CEACAM3: variants seen among roughly 807,000 people sequenced by gnomAD.
CEACAM3 encodes CEA cell adhesion molecule 3.
A neutral mutation model predicts 30.1 loss-of-function variants in CEACAM3; 32 were observed. That is an observed-to-expected ratio of 1.06 (90% CI 0.80 to 1.43). The LOEUF (loss-of-function observed/expected upper bound fraction) is 1.43, where lower values mean the gene tolerates loss of function less well. Among genes scored for constraint, CEACAM3 ranks in the 40% most tolerant of loss-of-function variants. CEACAM3 has a pLI of 0.00. For synonymous variants in CEACAM3, 134 were observed against 127.2 expected (o/e 1.05, Z -0.36); for missense variants, 290 against 316.3 (o/e 0.92, Z 0.63).
At chr19:41,809,020 C>T (rs2073227312) in intron 3 of CEACAM3, 90 bp downstream of exon 3, 4 of 906,938 alleles carry the variant, frequency 4.4e-6, no homozygotes, top group Middle Eastern at 2.3e-4. Context: ...CAGGGCCAGG[C>T]TCTCCACGGC....
intron 2 of CEACAM3, among the ~76,000 whole-genome samples, chr19:41,800,168 G>T (rs1174088469): frequency 6.6e-6 from 1 of 152,136 alleles, no homozygotes; most frequent in South Asian, 2.1e-4. Flanking sequence ...AATAATCCTC[G>T]CTCTATAATC....
At chr19:41,800,433 A>G (rs538492030) in intron 2 of CEACAM3, among the ~76,000 whole-genome samples, 117 of 152,094 alleles carry the variant, frequency 7.7e-4, no homozygotes, top group African/African-American at 2.5e-3. Context: ...TTTCCCCGGG[A>G]GAGTTTAGAG....
intron 2 of CEACAM3, among the ~76,000 whole-genome samples, chr19:41,799,932 G>T (rs2073132446): frequency 6.6e-6 from 1 of 152,096 alleles, no homozygotes; most frequent in East Asian, 1.9e-4. Flanking sequence ...CATCTCATGG[G>T]ACTCTGGCAC....
In CEACAM3 at chr19:41,810,433, C is replaced by G. The variant is rs1600524382; in HGVS notation, c.627+79C>G. ...CTGGGCAGAGGGACCATCAGCCCCC[C>G]AGCACAGAACAGACCCACCTTCCCC... On this transcript the variant is annotated intron_variant, in intron 5 of 6. Transcript: ENST00000357396. 3.5e-6 allele frequency: 5 copies of G among 1,434,112 alleles called. No homozygotes were observed. The East Asian group carries it at 1.2e-4, about 35-fold the overall frequency. The allele number at this position is 1,434,112 out of a possible 1,614,324, so 88.8% of individuals were successfully genotyped here. A position where few individuals can be genotyped will look rare whatever the true frequency, so the allele number is the denominator to read the frequency against.
intron 3 of CEACAM3, 81 bp from the exon 4 acceptor site, chr19:41,809,884 T>C: frequency 7.0e-7 from 1 of 1,419,410 alleles, no homozygotes; most frequent in Non-Finnish European, 9.9e-7. Context: ...GAAAATGGGT[T>C]TCCCTTCTTG....
Position 41,796,743 on chromosome 19 carries a change from T to C in CEACAM3, c.64+2T>C, listed in dbSNP as rs782336811. On this transcript the variant is annotated splice_donor_variant, in intron 1 of 6. Coordinates refer to ENST00000357396, the MANE Select transcript of CEACAM3 (RefSeq NM_001815.5). LOFTEE classifies it high-confidence loss of function. ...CCTGGCAGGGGCTTCTGCTCACAGG[T>C]GAGTGGAGGATTCCTGGGAGTGGGC... is the stretch of plus-strand genomic sequence containing the variant. 3 of 1,610,662 alleles carry C rather than the reference T, an allele frequency of 1.9e-6. No individual in the cohort carries two copies. The highest frequency in any genetic ancestry group is 2.2e-5 in the South Asian group (2 of 90,804).
At chr19:41,801,412 G>C (rs1555825968) in intron 2 of CEACAM3, among the ~76,000 whole-genome samples, 1 of 152,178 alleles carries the variant, frequency 6.6e-6, no homozygotes, top group African/African-American at 2.4e-5. Flanking sequence ...CACAGGACAG[G>C]GACGAGCGAC....
At position 41,811,250 on chromosome 19, in the gene CEACAM3, G is replaced by T. The variant is rs781837611; in HGVS notation, c.*13G>T. On this transcript the variant is annotated 3_prime_UTR_variant, in exon 7 of 7. Transcript: ENST00000357396. Reference sequence around the variant, plus strand: ...AGTGGCTTCTTAGCTTCCTCCAGGAGCTGCTCCTGTGTGTTGATGGAGAGT... The same window carrying T: ...AGTGGCTTCTTAGCTTCCTCCAGGATCTGCTCCTGTGTGTTGATGGAGAGT... The T allele has an allele frequency of 1.2e-5, 20 of 1,612,534 alleles. No individual in the cohort carries two copies. The South Asian group carries it at 2.2e-4, about 18-fold the overall frequency.
rs1049179826 is a variant in CEACAM3 at position 41,810,829 on chromosome 19, C to G, written c.628-3C>G. The G allele has an allele frequency of 1.9e-6, 3 of 1,611,772 alleles. No homozygotes were observed. Among genetic ancestry groups the G allele is most frequent in the Admixed American group, 1.7e-5 (1 of 59,646 alleles). On this transcript the variant is annotated splice_polypyrimidine_tract_variant and splice_region_variant and intron_variant, in intron 5 of 6. Transcript: ENST00000357396. ...CTCCATGACCCTCCCTCCCTGTCCA[C>G]AGATGTCCCCTCTCTCCACTGCCCA...
chr19:41,798,904 C>T (rs1231105989), intron 2 of CEACAM3, among the ~76,000 whole-genome samples: 17 of 152,154 alleles, frequency 1.1e-4, no homozygotes, highest in Admixed American at 3.3e-4. Flanking sequence ...ACTAGGGTCA[C>T]ACAAGTCAAA....
chr19:41,810,263 C>G, intron 4 of CEACAM3, 60 bp from the exon 5 acceptor site: 1 of 1,571,870 alleles, frequency 6.4e-7, no homozygotes, highest in Non-Finnish European at 8.7e-7. Context: ...CCTACGCCTT[C>G]CTGGAGAGGG....
intron 5 of CEACAM3, 81 bp downstream of exon 5, chr19:41,810,435 G>A: frequency 6.9e-7 from 1 of 1,441,096 alleles, no homozygotes; most frequent in Non-Finnish European, 9.5e-7. Context: ...CAGCCCCCCA[G>A]CACAGAACAG....
chr19:41,805,957 TC>T (rs2073194941), intron 2 of CEACAM3, among the ~76,000 whole-genome samples: 1 of 152,228 alleles, frequency 6.6e-6, no homozygotes, highest in Admixed American at 6.5e-5. Flanking sequence ...CTCCTGCATG[TC>T]CCCGCCCTCT....
At chr19:41,798,240 C>A (rs1017480756) in intron 2 of CEACAM3, among the ~76,000 whole-genome samples, 2 of 152,146 alleles carry the variant, frequency 1.3e-5, no homozygotes, top group African/African-American at 4.8e-5. Context: ...ATGGACCTGA[C>A]CCTAAGAAAG....
chr19:41,810,925 C>A, intron 6 of CEACAM3, 28 bp downstream of exon 6: 1 of 1,596,944 alleles, frequency 6.3e-7, no homozygotes, highest in Non-Finnish European at 8.6e-7. Flanking sequence ...ATGTTCTGGT[C>A]CCACAGGCCC....
At chr19:41,803,383 C>T (rs1465896778) in intron 2 of CEACAM3, among the ~76,000 whole-genome samples, 2 of 150,272 alleles carry the variant, frequency 1.3e-5, no homozygotes, top group Admixed American at 6.6e-5. Flanking sequence ...GAGGGTGTGT[C>T]AGTAGAAACT....
intron 2 of CEACAM3, among the ~76,000 whole-genome samples, chr19:41,805,761 A>G (rs781933245): frequency 7.9e-5 from 12 of 152,234 alleles, no homozygotes; most frequent in Admixed American, 1.3e-4. Context: ...CATCAAACAC[A>G]GAGTCCATGA....
At position 41,811,177 on chromosome 19, in the gene CEACAM3, G is replaced by A; in HGVS notation, c.699G>A (p.Leu233=). 1 of 1,614,064 alleles carries A rather than the reference G, an allele frequency of 6.2e-7. No individual in the cohort carries two copies. Among genetic ancestry groups the A allele is most frequent in the Non-Finnish European group, 8.5e-7 (1 of 1,179,982 alleles). The change falls in exon 7 of 7, where the codon TTG becomes TTA. Residue 233 remains leucine (L), a synonymous_variant. Coordinates refer to ENST00000357396, the MANE Select transcript of CEACAM3 (RefSeq NM_001815.5). ...CCTCTTCTCTGTTTTAACAGGAATT[G>A]CTAAAACATGACACAAACATTTACT... The part of the protein sequence containing the change: ...PRTAASIYEE[L]LKHDTNIYCR...
At chr19:41,801,365 GCT>G (rs2073145353) in intron 2 of CEACAM3, among the ~76,000 whole-genome samples, 1 of 152,268 alleles carries the variant, frequency 6.6e-6, no homozygotes, top group East Asian at 1.9e-4. Flanking sequence ...CCCACCCAGG[GCT>G]CTTTCCCTTC....
Sources: gnomAD v4.1 joint callset for allele counts (sites outside exome capture counted in the v4.1 genomes callset) on GRCh38, gnomAD v4.1.1 for gene constraint, MANE v1.5 for transcripts, NCBI Gene and HGNC (gene_info 2026-07-23, HGNC 2026-07-21) for gene names.